The following SLC22A23 variants were observed in gnomAD, a reference collection of about 807,000 sequenced individuals.
SLC22A23 encodes the protein solute carrier family 22 member 23, also known as ion transporter protein.
Under a neutral mutation model 61.0 loss-of-function variants are expected in SLC22A23, and 26 were observed. The observed-to-expected ratio is 0.43, with a 90% CI of 0.31 to 0.59. The LOEUF is 0.59. Among genes scored for constraint, SLC22A23 ranks in the 20% least tolerant of loss-of-function variants. The pLI is 0.11. For synonymous variants in SLC22A23, 430 were observed against 413.9 expected (o/e 1.04, Z -0.47); for missense variants, 796 against 934.7 (o/e 0.85, Z 1.94).
At chr6:3,401,256 T>C (rs1227253274) in intron 3 of SLC22A23, among the ~76,000 whole-genome samples, 1 of 152,210 alleles carries the variant, frequency 6.6e-6, no homozygotes, top group East Asian at 1.9e-4. Context: ...GAGAATCGCT[T>C]GAACCTGGGA....
intron 6 of SLC22A23, among the ~76,000 whole-genome samples, chr6:3,287,732 G>A (rs917990340): frequency 2.7e-5 from 4 of 149,292 alleles, no homozygotes; most frequent in African/African-American, 7.3e-5. Context: ...TACCCAAGCT[G>A]GAGTGCAGTG....
Position 3,323,864 on chromosome 6 carries a change from C to A in SLC22A23, c.1052G>T (p.Cys351Phe). ...GTAGAGCAGCATGAGCAGGAAGGGGCAGATGATGAGGGCCTGCAGCACCTG... is the reference window on the plus strand; with the variant it reads ...GTAGAGCAGCATGAGCAGGAAGGGGAAGATGATGAGGGCCTGCAGCACCTG... ...DWQVLQALIICPFLLMLLYWS... is the reference protein window; with the variant it reads ...DWQVLQALIIFPFLLMLLYWS... Residue 351 changes from cysteine to phenylalanine, a missense_variant, in exon 4 of 10, where the codon TGC becomes TTC. Physicochemically the swap from Cys to Phe is radical, Grantham distance 205. Coordinates refer to ENST00000406686, the MANE Select transcript of SLC22A23 (RefSeq NM_015482.2). 6.2e-7 allele frequency: 1 copy of A among 1,614,014 alleles called. No homozygotes were observed. The highest frequency in any genetic ancestry group is 1.3e-5 in the African/African-American group (1 of 75,060).
rs1164795476 is a variant in SLC22A23, at chr6:3,269,374, G to A, written c.*3681C>T. Reference sequence around the variant, plus strand: ...CAGTGAGGTCTGAATGAACACGGAGGATTTTATTACTCACCATTAATGGTA... The same window carrying A: ...CAGTGAGGTCTGAATGAACACGGAGAATTTTATTACTCACCATTAATGGTA... On this transcript the variant is annotated 3_prime_UTR_variant, in exon 10 of 10. Transcript: ENST00000406686. The A allele has an allele frequency of 6.6e-6, 1 of 152,414 alleles. No individual in the cohort carries two copies. Among genetic ancestry groups the A allele is most frequent in the Non-Finnish European group, 1.5e-5 (1 of 68,044 alleles). The allele number at this position is 152,414 out of a possible 1,614,324, so 9.4% of individuals were successfully genotyped here.
rs1156353716 is a variant in SLC22A23, at chr6:3,362,404, C to CAA, written c.914-38404_914-38403dup. 1.7e-3 allele frequency among the ~76,000 whole-genome samples: 93 copies of CAA among 53,190 alleles called. 16 individuals carry two copies. In the East Asian group the frequency reaches 0.021, roughly 12 times the overall value. 34.9% of individuals were successfully genotyped at this position (53,190 alleles called of 152,430 possible). On this transcript the variant is annotated intron_variant, in intron 3 of 9. Transcript: ENST00000406686. Reference sequence around the variant, plus strand: ...GGCGACAGAGCGAGATTCCGTCTCACAAAAAAAAAAAATAAAATAAAAAAT... The same window carrying CAA: ...GGCGACAGAGCGAGATTCCGTCTCACAAAAAAAAAAAAAATAAAATAAAAAAT...
chr6:3,347,012 G>A (rs1170548774), intron 3 of SLC22A23, among the ~76,000 whole-genome samples: 1 of 152,006 alleles, frequency 6.6e-6, no homozygotes, highest in Non-Finnish European at 1.5e-5. Context: ...AACACCCAGT[G>A]TTCATATTTT....
chr6:3,305,684 G>T (rs1346321516), intron 4 of SLC22A23, among the ~76,000 whole-genome samples: 1 of 152,216 alleles, frequency 6.6e-6, no homozygotes, highest in Non-Finnish European at 1.5e-5. Context: ...GAGCCTCAGA[G>T]AAATTGATGA....
At chr6:3,279,760 G>C (rs1194579836) in intron 9 of SLC22A23, among the ~76,000 whole-genome samples, 1 of 152,084 alleles carries the variant, frequency 6.6e-6, no homozygotes, top group Non-Finnish European at 1.5e-5. Context: ...CCCGTGTTTA[G>C]AAGTCAGAGC....
At chr6:3,453,834 G>A (rs1772266875) in intron 1 of SLC22A23, among the ~76,000 whole-genome samples, 1 of 152,102 alleles carries the variant, frequency 6.6e-6, no homozygotes, top group African/African-American at 2.4e-5. Context: ...GCTTCTACTT[G>A]GGATGTGGGC....
intron 3 of SLC22A23, among the ~76,000 whole-genome samples, chr6:3,399,796 G>T (rs1768256181): frequency 6.6e-6 from 1 of 152,176 alleles, no homozygotes; most frequent in Non-Finnish European, 1.5e-5. Flanking sequence ...CCCTAGGAAT[G>T]ATCTGTCCAG....
intron 3 of SLC22A23, among the ~76,000 whole-genome samples, chr6:3,353,539 A>C (rs911684341): frequency 6.6e-6 from 1 of 152,190 alleles, no homozygotes; most frequent in Non-Finnish European, 1.5e-5. Flanking sequence ...ATGCTTTACA[A>C]AATCACATGT....
rs74639451 is a variant in SLC22A23, at chr6:3,450,986, T to A, written c.654+4920A>T. The stretch of plus-strand genomic sequence containing the variant: ...CAGGATATTTAAGCAACTTTCAGGA[T>A]AAAGGTCAGAAATCTTTGCAAATTC... On this transcript the variant is annotated intron_variant, in intron 1 of 9. Coordinates refer to ENST00000406686, the MANE Select transcript of SLC22A23 (RefSeq NM_015482.2). Among the ~76,000 whole-genome samples the A allele has an allele frequency of 8.8e-3, 1,341 of 152,326 alleles. 22 individuals are homozygous for A. The highest frequency in any genetic ancestry group is 0.031 in the African/African-American group (1,279 of 41,582).
chr6:3,446,192 A>G (rs1344447178), intron 1 of SLC22A23, among the ~76,000 whole-genome samples: 10 of 151,980 alleles, frequency 6.6e-5, no homozygotes, highest in Admixed American at 3.3e-4. Context: ...AAAGGGTGGG[A>G]GCCCCTGCCA....
chr6:3,419,786 T>C (rs1769996209), intron 1 of SLC22A23, among the ~76,000 whole-genome samples: 1 of 152,174 alleles, frequency 6.6e-6, no homozygotes, highest in African/African-American at 2.4e-5. Flanking sequence ...TCAGTCCCTA[T>C]CTCCTGAAAT....
chr6:3,286,839 C>T lies in SLC22A23; in HGVS notation c.1546+20G>A. The T allele has an allele frequency of 6.4e-7, 1 of 1,566,522 alleles. No individual in the cohort carries two copies. The highest frequency in any genetic ancestry group is 1.2e-5 in the South Asian group (1 of 85,908). On this transcript the variant is annotated intron_variant, in intron 7 of 9. Transcript: ENST00000406686. The surrounding 1 kb of genome is among the most constrained non-coding windows in gnomAD (Gnocchi z 4.2). The stretch of plus-strand genomic sequence containing the variant: ...CCAGCTTCCCTCCCTGCACCCAGCC[C>T]ACCTCCCCGACCCACTCACGGTTGA...
At position 3,318,294 on chromosome 6, in the gene SLC22A23, G is replaced by A. The variant is rs1322157768; in HGVS notation, c.1082+5540C>T. The stretch of plus-strand genomic sequence containing the variant: ...CCTAGACAGAGTAAAAGATTCACCT[G>A]CAAGTGTACTTTTCACACACAAACC... On this transcript the variant is annotated intron_variant, in intron 4 of 9. Coordinates refer to ENST00000406686, the MANE Select transcript of SLC22A23 (RefSeq NM_015482.2). The surrounding 1 kb of genome is among the most constrained non-coding windows in gnomAD (Gnocchi z 4.3). Among the ~76,000 whole-genome samples, 1 of 152,114 alleles carries A rather than the reference G, an allele frequency of 6.6e-6. No individual in the cohort carries two copies. Among genetic ancestry groups the A allele is most frequent in the African/African-American group, 2.4e-5 (1 of 41,396 alleles).
At chr6:3,278,642 A>G (rs1759132889) in intron 9 of SLC22A23, among the ~76,000 whole-genome samples, 1 of 152,334 alleles carries the variant, frequency 6.6e-6, no homozygotes, top group East Asian at 1.9e-4. Flanking sequence ...ACCCAGGTGA[A>G]TGGGACAGGT....
At chr6:3,382,637 C>T (rs1417414935) in intron 3 of SLC22A23, among the ~76,000 whole-genome samples, 1 of 152,212 alleles carries the variant, frequency 6.6e-6, no homozygotes, top group Non-Finnish European at 1.5e-5. Flanking sequence ...TGGCCCACTG[C>T]CTGCTTTTGT....
In SLC22A23 at chr6:3,399,532, A is replaced by G. The variant is rs562917214; in HGVS notation, c.913+10656T>C. Among the ~76,000 whole-genome samples the G allele has an allele frequency of 1.4e-4, 21 of 152,322 alleles. No homozygotes were observed. In the South Asian group the frequency reaches 1.5e-3, roughly 11 times the overall value. On this transcript the variant is annotated intron_variant, in intron 3 of 9. Coordinates refer to ENST00000406686, the MANE Select transcript of SLC22A23 (RefSeq NM_015482.2). ...AGGCAGTGAAACTTTATGGCAGAAC[A>G]TGGCAAACAACAGGGCCAAGCCTAT...
At chr6:3,416,805 C>T (rs970240754) in intron 1 of SLC22A23, among the ~76,000 whole-genome samples, 2 of 152,160 alleles carry the variant, frequency 1.3e-5, no homozygotes, top group African/African-American at 2.4e-5. Context: ...TCAGTGGAGA[C>T]GGGGGTGGGG....
Sources: allele counts gnomAD v4.1 joint callset (sites outside exome capture counted in the v4.1 genomes callset), GRCh38; gene constraint gnomAD v4.1.1; non-coding constraint Gnocchi (gnomAD v3.1); transcripts MANE v1.5; gene names NCBI Gene and HGNC (gene_info 2026-07-23, HGNC 2026-07-21).